Variants in CDYL2 observed in about 807,000 individuals in gnomAD.
The protein encoded by CDYL2 is chromodomain Y-like protein 2.
In CDYL2, 23 loss-of-function variants were observed where a neutral mutation model predicts 49.4. That is an observed-to-expected ratio of 0.47 (90% CI 0.34 to 0.66). The LOEUF is 0.66. CDYL2 is among the 30% of genes least tolerant of loss of function. CDYL2 has a pLI of 0.01. For synonymous variants in CDYL2, 360 were observed against 268.8 expected (o/e 1.34, Z -3.32); for missense variants, 678 against 656.4 (o/e 1.03, Z -0.36).
chr16:80,625,872 G>T (rs550332871), intron 3 of CDYL2, among the ~76,000 whole-genome samples: 2 of 152,102 alleles, frequency 1.3e-5, no homozygotes, highest in Non-Finnish European at 2.9e-5. Flanking sequence ...AAAAGGAAGG[G>T]TAAAAATTAG....
chr16:80,793,347 G>T (rs1907669455), intron 1 of CDYL2, among the ~76,000 whole-genome samples: 2 of 152,156 alleles, frequency 1.3e-5, no homozygotes, highest in Non-Finnish European at 2.9e-5. Flanking sequence ...TGGCTTAAAT[G>T]TTTCAATTTG....
At chr16:80,686,795 T>C (rs1442538696) in intron 1 of CDYL2, among the ~76,000 whole-genome samples, 1 of 152,240 alleles carries the variant, frequency 6.6e-6, no homozygotes, top group Non-Finnish European at 1.5e-5. Flanking sequence ...ACTGCCTCTT[T>C]ATAATACTGC....
chr16:80,671,943 C>T (rs1597162607), intron 2 of CDYL2, among the ~76,000 whole-genome samples: 1 of 152,184 alleles, frequency 6.6e-6, no homozygotes, highest in Non-Finnish European at 1.5e-5. Context: ...AGACTGGCTA[C>T]ATAAATCAAA....
intron 1 of CDYL2, among the ~76,000 whole-genome samples, chr16:80,726,054 T>C (rs923240170): frequency 1.3e-5 from 2 of 152,250 alleles, no homozygotes; most frequent in East Asian, 1.9e-4. Context: ...CAGTGACATC[T>C]ATTTTAAGTT....
chr16:80,740,179 T>C (rs1454948988), intron 1 of CDYL2, among the ~76,000 whole-genome samples: 1 of 152,218 alleles, frequency 6.6e-6, no homozygotes, highest in Non-Finnish European at 1.5e-5. Context: ...AACCTTGCTC[T>C]GTGGAATGAG....
Position 80,684,899 on chromosome 16 carries a change from C to T in CDYL2, c.255G>A (p.Ser85=), listed in dbSNP as rs772060772. The change falls in exon 2 of 7, where the codon TCG becomes TCA. Residue 85 remains serine (S), a synonymous_variant. Transcript: ENST00000570137. ...AAGGTCTGTGGGACAGTTTCTCAAC[C>T]GACGGGCCTCGACTGTCACGCAGCA... ...SKLLRDSRGP[S]VEKLSHRPSD... The T allele has an allele frequency of 4.2e-5, 68 of 1,613,998 alleles. No homozygotes were observed. The highest frequency in any genetic ancestry group is 1.6e-4 in the Middle Eastern group (1 of 6,084).
intron 1 of CDYL2, among the ~76,000 whole-genome samples, chr16:80,794,710 CA>C (rs1907717999): frequency 7.0e-6 from 1 of 143,498 alleles, no homozygotes; most frequent in South Asian, 2.3e-4. Context: ...CTCCCAGGTT[CA>C]AGCGATTCTC....
intron 1 of CDYL2, among the ~76,000 whole-genome samples, chr16:80,704,973 G>C (rs1186959733): frequency 6.6e-6 from 1 of 152,236 alleles, no homozygotes; most frequent in Non-Finnish European, 1.5e-5. Context: ...GTCCAGGCTT[G>C]ACATGCTTAT....
In CDYL2 at chr16:80,757,084, C is replaced by T. The variant is rs111620659; in HGVS notation, c.24+47066G>A. ...CACCAGTAAAAAAATGCTAGCCTAC[C>T]AAACAAAGCAAGTAAAAGAAATAAG... On this transcript the variant is annotated intron_variant, in intron 1 of 6. Transcript: ENST00000570137. 1.2e-4 allele frequency among the ~76,000 whole-genome samples: 18 copies of T among 152,110 alleles called. 1 individual carries two copies. The highest frequency in any genetic ancestry group is 4.1e-4 in the African/African-American group (17 of 41,518).
chr16:80,646,212 T>G (rs1025952914), intron 2 of CDYL2, among the ~76,000 whole-genome samples: 1 of 151,816 alleles, frequency 6.6e-6, no homozygotes, highest in Admixed American at 6.6e-5. Context: ...GGAATACAAT[T>G]CAAGATGAGA....
rs1906670686 is a variant in CDYL2, at chr16:80,612,991, C to T, written c.1008-155G>A. Reference sequence around the variant, plus strand: ...CCTCATTGCCTGGACATGGAACCACCAGCTGTCAGATTTTCTGAGGTATAC... The same window carrying T: ...CCTCATTGCCTGGACATGGAACCACTAGCTGTCAGATTTTCTGAGGTATAC... On this transcript the variant is annotated intron_variant, in intron 4 of 6. Coordinates refer to ENST00000570137, the MANE Select transcript of CDYL2 (RefSeq NM_152342.4). This position sits in a 1 kb window ranked among gnomAD's most constrained non-coding sequence, Gnocchi z 5.0. Among the ~76,000 whole-genome samples the T allele has an allele frequency of 4.6e-5, 7 of 152,168 alleles. No homozygotes were observed. The South Asian group carries it at 1.5e-3, about 32-fold the overall frequency.
At chr16:80,669,187 G>A (rs1002687106) in intron 2 of CDYL2, among the ~76,000 whole-genome samples, 1 of 151,926 alleles carries the variant, frequency 6.6e-6, no homozygotes, top group East Asian at 1.9e-4. Context: ...TCAATAGTGG[G>A]TGCCACATTT....
chr16:80,767,623 A>T (rs975330858), intron 1 of CDYL2, among the ~76,000 whole-genome samples: 8 of 152,206 alleles, frequency 5.3e-5, no homozygotes, highest in Non-Finnish European at 7.3e-5. Flanking sequence ...GACTTTTCAG[A>T]CAGTGAACAA....
chr16:80,664,752 C>G lies in CDYL2; in HGVS notation c.616+19786G>C, dbSNP rs192778748. On this transcript the variant is annotated intron_variant, in intron 2 of 6. Transcript: ENST00000570137. ...CAAGCCAGGACAACTAGATCTGAAT[C>G]CTGGAACAGCCACCTACTGACTAAT... Among the ~76,000 whole-genome samples, 52 of 152,252 alleles carry G rather than the reference C, an allele frequency of 3.4e-4. 1 individual carries two copies. The highest frequency in any genetic ancestry group is 1.9e-3 in the Admixed American group (29 of 15,292).
intron 1 of CDYL2, among the ~76,000 whole-genome samples, chr16:80,694,602 A>G (rs1162974987): frequency 6.6e-6 from 1 of 152,234 alleles, no homozygotes; most frequent in East Asian, 1.9e-4. Flanking sequence ...ACATTTACAC[A>G]TATAAACATG....
intron 1 of CDYL2, among the ~76,000 whole-genome samples, chr16:80,799,716 C>G (rs1253697392): frequency 6.6e-6 from 1 of 152,196 alleles, no homozygotes; most frequent in East Asian, 1.9e-4. Flanking sequence ...AAGGAATGAC[C>G]TGACATAAAA....
chr16:80,626,789 A>C (rs1337588033), intron 3 of CDYL2, among the ~76,000 whole-genome samples: 1 of 152,206 alleles, frequency 6.6e-6, no homozygotes, highest in Non-Finnish European at 1.5e-5. Flanking sequence ...CTGTTTTTTA[A>C]GGTTAAAGTT....
At chr16:80,703,387 AG>A (rs1443668401) in intron 1 of CDYL2, among the ~76,000 whole-genome samples, 2 of 152,144 alleles carry the variant, frequency 1.3e-5, no homozygotes, top group Non-Finnish European at 2.9e-5. Context: ...GTAGAGGTAC[AG>A]TCAATGCTAG....
chr16:80,734,818 C>T (rs1314662438), intron 1 of CDYL2, among the ~76,000 whole-genome samples: 2 of 152,148 alleles, frequency 1.3e-5, no homozygotes, highest in Non-Finnish European at 2.9e-5. Context: ...TTGTAACCTG[C>T]TGCTACGGTG....
Sources: gnomAD v4.1 joint callset for allele counts (sites outside exome capture counted in the v4.1 genomes callset) on GRCh38, gnomAD v4.1.1 for gene constraint, Gnocchi (gnomAD v3.1) non-coding constraint, MANE v1.5 for transcripts, NCBI Gene and HGNC (gene_info 2026-07-23, HGNC 2026-07-21) for gene names.